ZNRF1: variants seen among roughly 807,000 people sequenced by gnomAD.
ZNRF1 encodes zinc and ring finger 1.
In ZNRF1, 3 loss-of-function variants were observed where a neutral mutation model predicts 18.4. That is an observed-to-expected ratio of 0.16 (90% CI 0.07 to 0.42). ZNRF1 has a LOEUF of 0.42. Among genes scored for constraint, ZNRF1 ranks in the 10% least tolerant of loss-of-function variants. ZNRF1 has a pLI of 0.99. For missense variants in ZNRF1, 310 were observed against 329.8 expected (o/e 0.94, Z 0.47); for synonymous variants, 157 against 144.2 (o/e 1.09, Z -0.64).
intron 1 of ZNRF1, among the ~76,000 whole-genome samples, chr16:75,076,920 C>A (rs8063168): frequency 0.13 from 20,465 of 151,930 alleles, 2,194 homozygotes; most frequent in African/African-American, 0.29. Context: ...GCCCTCACCA[C>A]ACATCAGACC....
At chr16:75,107,638 C>A (rs376977987) in intron 4 of ZNRF1, 95 bp from the exon 5 acceptor site, 68 of 451,150 alleles carry the variant, frequency 1.5e-4, no homozygotes, top group South Asian at 9.7e-4. Flanking sequence ...GTAGACGCCC[C>A]AGCCCCGCCT....
chr16:75,013,406 G>C (rs1332448308), intron 1 of ZNRF1, among the ~76,000 whole-genome samples: 2 of 152,012 alleles, frequency 1.3e-5, no homozygotes, highest in African/African-American at 2.4e-5. Context: ...GAGTGCAGTG[G>C]CGTGATCTCA....
chr16:75,093,203 A>G (rs989093669), intron 1 of ZNRF1, among the ~76,000 whole-genome samples: 1 of 152,084 alleles, frequency 6.6e-6, no homozygotes, highest in Non-Finnish European at 1.5e-5. Context: ...TGGCCACCAT[A>G]GTGAAACCCC....
intron 1 of ZNRF1, among the ~76,000 whole-genome samples, chr16:75,076,811 T>G (rs2035945369): frequency 6.6e-6 from 1 of 151,408 alleles, no homozygotes; most frequent in Admixed American, 6.6e-5. Context: ...GCCTTTATGA[T>G]GGAATTATTA....
chr16:75,010,998 C>T (rs899574390), intron 1 of ZNRF1, among the ~76,000 whole-genome samples: 5 of 152,160 alleles, frequency 3.3e-5, no homozygotes, highest in Non-Finnish European at 5.9e-5. Flanking sequence ...CGTGAGCCAC[C>T]ATGCCCAGCT....
At chr16:75,094,489 A>G (rs1037050057) in intron 2 of ZNRF1, among the ~76,000 whole-genome samples, 1 of 152,156 alleles carries the variant, frequency 6.6e-6, no homozygotes, top group East Asian at 1.9e-4. Context: ...CTCTGTGTCT[A>G]CAATCTTATA....
chr16:75,003,285 T>C (rs2034876930), intron 1 of ZNRF1, among the ~76,000 whole-genome samples: 1 of 152,248 alleles, frequency 6.6e-6, no homozygotes, highest in Non-Finnish European at 1.5e-5. Context: ...TAACACACTT[T>C]GTAAGTATTT....
chr16:75,099,973 C>G (rs1216222913), intron 2 of ZNRF1, among the ~76,000 whole-genome samples: 1 of 152,226 alleles, frequency 6.6e-6, no homozygotes, highest in Non-Finnish European at 1.5e-5. Context: ...CCACTGCAAC[C>G]TCTTGCTGGG....
At chr16:75,067,983 G>A (rs1487595882) in intron 1 of ZNRF1, among the ~76,000 whole-genome samples, 1 of 152,068 alleles carries the variant, frequency 6.6e-6, no homozygotes, top group African/African-American at 2.4e-5. Context: ...CCTGCTTAAT[G>A]TGAATATCCT....
At chr16:75,060,413 A>G (rs921178321) in intron 1 of ZNRF1, among the ~76,000 whole-genome samples, 5 of 149,146 alleles carry the variant, frequency 3.4e-5, no homozygotes, top group Non-Finnish European at 5.9e-5. Flanking sequence ...AATATATCCT[A>G]TCTCTACATT....
At chr16:75,007,029 T>C (rs960120541) in intron 1 of ZNRF1, among the ~76,000 whole-genome samples, 1 of 151,570 alleles carries the variant, frequency 6.6e-6, no homozygotes, top group African/African-American at 2.4e-5. Flanking sequence ...CCCTCAAGTG[T>C]GAAGTGTGAA....
chr16:75,051,536 G>GGC (rs2035605461), intron 1 of ZNRF1, among the ~76,000 whole-genome samples: 1 of 150,414 alleles, frequency 6.6e-6, no homozygotes, highest in Non-Finnish European at 1.5e-5. Flanking sequence ...TTTTTTGGGG[G>GGC]GGACGGAGTC....
At chr16:75,040,607 T>G (rs1465511700) in intron 1 of ZNRF1, among the ~76,000 whole-genome samples, 5 of 136,560 alleles carry the variant, frequency 3.7e-5, no homozygotes, top group South Asian at 4.9e-4. Context: ...GGTTTTTTTT[T>G]TTTTTTTTTT....
chr16:75,076,608 G>A (rs1313639477), intron 1 of ZNRF1, among the ~76,000 whole-genome samples: 2 of 147,784 alleles, frequency 1.4e-5, no homozygotes, highest in East Asian at 4.2e-4. Flanking sequence ...TCAGTCCATA[G>A]CACATGGCAT....
intron 1 of ZNRF1, among the ~76,000 whole-genome samples, chr16:75,015,676 T>C (rs2035056533): frequency 1.3e-5 from 2 of 152,096 alleles, no homozygotes; most frequent in South Asian, 2.1e-4. Context: ...CTGAAACTCC[T>C]GGAGTCAGAT....
intron 1 of ZNRF1, among the ~76,000 whole-genome samples, chr16:75,014,921 G>A (rs997759866): frequency 6.6e-6 from 1 of 151,742 alleles, no homozygotes; most frequent in Non-Finnish European, 1.5e-5. Context: ...TATTAATATT[G>A]TATGTTTAAT....
chr16:75,048,938 A>AT (rs1217614956), intron 1 of ZNRF1, among the ~76,000 whole-genome samples: 5 of 150,034 alleles, frequency 3.3e-5, no homozygotes, highest in African/African-American at 7.4e-5. Context: ...TTGTTTAGTT[A>AT]TTTTTTTTGT....
chr16:75,059,240 T>TTTTC (rs2035711107), intron 1 of ZNRF1, among the ~76,000 whole-genome samples: 1 of 111,654 alleles, frequency 9.0e-6, no homozygotes, highest in African/African-American at 3.1e-5. Flanking sequence ...TTTTTTTTTT[T>TTTTC]TTTTCTTTTT....
chr16:75,063,628 G>A (rs937930979), intron 1 of ZNRF1, among the ~76,000 whole-genome samples: 1 of 152,168 alleles, frequency 6.6e-6, no homozygotes, highest in Non-Finnish European at 1.5e-5. Flanking sequence ...AAGACACTGC[G>A]GGTAGTTTCT....
Sources: gnomAD v4.1 joint callset for allele counts (sites outside exome capture counted in the v4.1 genomes callset) on GRCh38, gnomAD v4.1.1 for gene constraint, MANE v1.5 for transcripts, NCBI Gene and HGNC (gene_info 2026-07-23, HGNC 2026-07-21) for gene names.